PRORP: variants seen among roughly 807,000 people sequenced by gnomAD.
The protein encoded by PRORP is mitochondrial ribonuclease P catalytic subunit.
In PRORP, 51 loss-of-function variants were observed where a neutral mutation model predicts 59.4. The ratio of observed to expected loss-of-function variants is 0.86; its 90% confidence interval spans 0.69 to 1.08. The LOEUF (loss-of-function observed/expected upper bound fraction) is 1.08, where lower values mean the gene tolerates loss of function less well. Among genes scored for constraint, PRORP ranks in the 50% least tolerant of loss-of-function variants. The pLI is 0.00. For missense variants in PRORP, 646 were observed against 690.3 expected, an observed-to-expected ratio of 0.94 and a Z score of 0.72; for synonymous variants, 231 against 245.6, an observed-to-expected ratio of 0.94 and a Z score of 0.55.
intron 4 of PRORP, among the ~76,000 whole-genome samples, chr14:35,173,405 T>A (rs2048368338): frequency 6.6e-6 from 1 of 152,210 alleles, no homozygotes; most frequent in Non-Finnish European, 1.5e-5. Context: ...GCAGCTGAGA[T>A]CTCTGCTTAG....
intron 5 of PRORP, among the ~76,000 whole-genome samples, chr14:35,183,813 T>C (rs1297800662): frequency 6.6e-6 from 1 of 152,166 alleles, no homozygotes; most frequent in East Asian, 1.9e-4. Flanking sequence ...CTGGATGGTT[T>C]CTTCCCCATT....
chr14:35,153,126 C>T (rs1245359639), intron 4 of PRORP, among the ~76,000 whole-genome samples: 1 of 152,252 alleles, frequency 6.6e-6, no homozygotes, highest in Non-Finnish European at 1.5e-5. Context: ...AGCGAGACTC[C>T]GTCTCAATCC....
intron 4 of PRORP, among the ~76,000 whole-genome samples, chr14:35,174,750 C>CTTTTTTTTTTT (rs113505782): frequency 1.5e-5 from 2 of 132,316 alleles, no homozygotes; most frequent in African/African-American, 3.1e-5. Context: ...TTTTTTTTTT[C>CTTTTTTTTTTT]TTTTTTTTTT....
At chr14:35,258,711 CA>C (rs2050822115) in intron 5 of PRORP, among the ~76,000 whole-genome samples, 6 of 152,072 alleles carry the variant, frequency 3.9e-5, no homozygotes, top group Admixed American at 3.9e-4. Context: ...ATTGGGTACT[CA>C]GGAGGTATTA....
chr14:35,198,502 C>T (rs1041258813), intron 5 of PRORP, among the ~76,000 whole-genome samples: 2 of 152,184 alleles, frequency 1.3e-5, no homozygotes, highest in Non-Finnish European at 1.5e-5. Flanking sequence ...AGGACTCCTG[C>T]CCTTTGACTC....
chr14:35,264,265 T>G (rs2050981377), intron 5 of PRORP, among the ~76,000 whole-genome samples: 1 of 152,064 alleles, frequency 6.6e-6, no homozygotes, highest in African/African-American at 2.4e-5. Context: ...GTAGCTGGGA[T>G]TACAAACATG....
rs775688748 is a variant in PRORP at position 35,236,950 on chromosome 14, ATTT to A, written c.1276-29774_1276-29772del. On this transcript the variant is annotated intron_variant, in intron 5 of 7. Transcript: ENST00000534898. The stretch of plus-strand genomic sequence containing the variant: ...CTCTCTCTTTCTCCTTCTTTCTTTC[ATTT>A]TTCTTTTCTTTCTTTTCTTTCCTTT... Among the ~76,000 whole-genome samples the A allele has an allele frequency of 5.8e-4, 78 of 135,020 alleles. 1 individual carries two copies. The highest frequency in any genetic ancestry group is 1.2e-3 in the Non-Finnish European group (72 of 61,748). 88.6% of individuals were successfully genotyped at this position (135,020 alleles called of 152,430 possible).
intron 5 of PRORP, among the ~76,000 whole-genome samples, chr14:35,231,966 A>T (rs1358130452): frequency 1.3e-5 from 2 of 152,248 alleles, no homozygotes; most frequent in Non-Finnish European, 2.9e-5. Flanking sequence ...GTCAGTAGAC[A>T]TCAAATGGCT....
At position 35,124,090 on chromosome 14, in the gene PRORP, T is replaced by C. The variant is rs1196780711; in HGVS notation, c.845T>C (p.Leu282Ser). Residue 282 changes from leucine (L) to serine (S), a missense_variant, in exon 2 of 8, where the codon TTA becomes TCA. Transcript: ENST00000534898. ...GHDIVPMLETLKAFFDFGKDI... is the reference protein window; with the variant it reads ...GHDIVPMLETSKAFFDFGKDI... Reference sequence around the variant, plus strand: ...GATATTGTTCCTATGTTGGAAACTTTAAAAGCTTTCTTTGATTTTGGAAAA... The same window carrying C: ...GATATTGTTCCTATGTTGGAAACTTCAAAAGCTTTCTTTGATTTTGGAAAA... 2 of 1,613,716 alleles carry C rather than the reference T, an allele frequency of 1.2e-6. No homozygotes were observed. The highest frequency in any genetic ancestry group is 1.3e-5 in the African/African-American group (1 of 74,922).
intron 5 of PRORP, among the ~76,000 whole-genome samples, chr14:35,227,820 A>G (rs556655821): frequency 1.3e-5 from 2 of 151,930 alleles, no homozygotes; most frequent in African/African-American, 2.4e-5. Flanking sequence ...TTTTTTGCAC[A>G]AGCCCGCAGA....
chr14:35,241,626 C>T (rs547883622), intron 5 of PRORP, among the ~76,000 whole-genome samples: 2 of 152,240 alleles, frequency 1.3e-5, no homozygotes, highest in East Asian at 3.9e-4. Context: ...CTGTCACTTT[C>T]CTGCTACTAC....
At chr14:35,125,009 C>G (rs555507188) in intron 2 of PRORP, among the ~76,000 whole-genome samples, 1 of 151,434 alleles carries the variant, frequency 6.6e-6, no homozygotes, top group African/African-American at 2.4e-5. Context: ...TACAGGCATG[C>G]GCCACCATGC....
At chr14:35,205,281 A>G (rs1268002692) in intron 5 of PRORP, among the ~76,000 whole-genome samples, 1 of 152,214 alleles carries the variant, frequency 6.6e-6, no homozygotes, top group Non-Finnish European at 1.5e-5. Context: ...TCCCTGGTTC[A>G]AGCAGTTCCC....
intron 5 of PRORP, among the ~76,000 whole-genome samples, chr14:35,185,207 A>G (rs1324000623): frequency 6.6e-6 from 1 of 152,136 alleles, no homozygotes; most frequent in African/African-American, 2.4e-5. Flanking sequence ...CTTTTCCATA[A>G]TAGCCATTCT....
chr14:35,177,303 G>T (rs1012328345), intron 4 of PRORP, among the ~76,000 whole-genome samples: 8 of 152,316 alleles, frequency 5.3e-5, no homozygotes, highest in African/African-American at 1.9e-4. Flanking sequence ...GATTGGAATA[G>T]TTTCAGAAGG....
At chr14:35,156,746 G>A (rs2047922221) in intron 4 of PRORP, among the ~76,000 whole-genome samples, 1 of 152,084 alleles carries the variant, frequency 6.6e-6, no homozygotes, top group Non-Finnish European at 1.5e-5. Flanking sequence ...GGCAGAGGGT[G>A]TTTTTCAAGA....
chr14:35,151,623 A>G (rs952461532), intron 4 of PRORP, among the ~76,000 whole-genome samples: 2 of 140,482 alleles, frequency 1.4e-5, no homozygotes, highest in African/African-American at 5.5e-5. Flanking sequence ...CTTATCTGAC[A>G]TGCTACACAC....
rs139755386 is a variant in PRORP at position 35,266,739 on chromosome 14, G to A, written c.1288G>A (p.Val430Ile). ...VRESQLLLNV[V>I]SQLAKRNLRL... is the part of the protein sequence containing the mutation. The stretch of plus-strand genomic sequence containing the variant: ...TTGTGTTTTTTAGCTCTTGAATGTC[G>A]TCTCTCAACTAGCCAAACGGAATCT... The change falls in exon 6 of 8, where the codon GTC becomes ATC. Residue 430 changes from valine (V) to isoleucine (I), a missense_variant. Coordinates refer to ENST00000534898, the MANE Select transcript of PRORP (RefSeq NM_014672.4). 4.8e-5 allele frequency: 77 copies of A among 1,613,660 alleles called. No homozygotes were observed. The highest frequency in any genetic ancestry group is 5.5e-5 in the South Asian group (5 of 91,026).
At chr14:35,164,309 A>T (rs2048130121) in intron 4 of PRORP, among the ~76,000 whole-genome samples, 1 of 152,240 alleles carries the variant, frequency 6.6e-6, no homozygotes, top group Non-Finnish European at 1.5e-5. Flanking sequence ...AGGGAAATGG[A>T]TCATTATACC....
Sources: allele counts gnomAD v4.1 joint callset (sites outside exome capture counted in the v4.1 genomes callset), GRCh38; gene constraint gnomAD v4.1.1; transcripts MANE v1.5; gene names NCBI Gene and HGNC (gene_info 2026-07-23, HGNC 2026-07-21).